SEMA6D: variants seen among roughly 807,000 people sequenced by gnomAD.
The protein encoded by SEMA6D is semaphorin-6D.
SEMA6D carries 35 observed loss-of-function variants against 106.6 expected under a neutral mutation model. The ratio of observed to expected loss-of-function variants is 0.33; its 90% confidence interval spans 0.25 to 0.44. The LOEUF (loss-of-function observed/expected upper bound fraction) is 0.44, where lower values mean the gene tolerates loss of function less well. Among genes scored for constraint, SEMA6D ranks in the 20% least tolerant of loss-of-function variants. The probability of loss-of-function intolerance (pLI) is 1.00; values close to 1 mark genes in which losing one functional copy is unlikely to be tolerated. For missense variants in SEMA6D, 1,185 were observed against 1,345.9 expected (o/e 0.88, Z 1.87); for synonymous variants, 499 against 487.7 (o/e 1.02, Z -0.31).
At chr15:47,498,042 C>T (rs758873010) in intron 3 of SEMA6D, among the ~76,000 whole-genome samples, 4 of 152,104 alleles carry the variant, frequency 2.6e-5, no homozygotes, top group Non-Finnish European at 5.9e-5. Flanking sequence ...AGCATGGTTC[C>T]AATACCACGA....
chr15:47,188,285 T>A (rs1263939240), intron 1 of SEMA6D, among the ~76,000 whole-genome samples: 1 of 152,222 alleles, frequency 6.6e-6, no homozygotes, highest in Non-Finnish European at 1.5e-5. Context: ...ATTTAAATAC[T>A]AAATTTAGTC....
intron 3 of SEMA6D, chr15:47,525,374 G>C (rs561102647): frequency 1.6e-4 from 24 of 152,342 alleles, no homozygotes; most frequent in African/African-American, 5.8e-4. Flanking sequence ...AAAGCTTTCA[G>C]GTCAAGCCAC....
intron 1 of SEMA6D, among the ~76,000 whole-genome samples, chr15:47,322,321 A>G (rs548966923): frequency 1.3e-5 from 2 of 151,654 alleles, no homozygotes; most frequent in Non-Finnish European, 2.9e-5. Flanking sequence ...CAATTCTAGA[A>G]TCTGATCCAG....
chr15:47,502,909 T>C (rs2043901500), intron 3 of SEMA6D, among the ~76,000 whole-genome samples: 1 of 152,228 alleles, frequency 6.6e-6, no homozygotes, highest in Non-Finnish European at 1.5e-5. Context: ...GGGTAAACTG[T>C]GATCTTCCCT....
intron 1 of SEMA6D, among the ~76,000 whole-genome samples, chr15:47,244,858 C>T (rs1309979230): frequency 6.6e-6 from 1 of 152,132 alleles, no homozygotes; most frequent in Non-Finnish European, 1.5e-5. Flanking sequence ...CCGTCATCCC[C>T]CTCGCGGTAG....
intron 3 of SEMA6D, among the ~76,000 whole-genome samples, chr15:47,574,064 G>A (rs1301272279): frequency 1.3e-5 from 2 of 151,980 alleles, no homozygotes; most frequent in African/African-American, 2.4e-5. Flanking sequence ...TAGGATCCAG[G>A]CAAGAACTTC....
At chr15:47,227,917 A>ATTTTATATATATAAGAATCTTATATATT (rs2031867074) in intron 1 of SEMA6D, among the ~76,000 whole-genome samples, 4 of 139,916 alleles carry the variant, frequency 2.9e-5, no homozygotes, top group African/African-American at 1.0e-4. Flanking sequence ...TCTTATATAT[A>ATTTTATATATATAAGAATCTTATATATT]TTTTATATAT....
At chr15:47,393,869 G>A (rs1361470493) in intron 1 of SEMA6D, among the ~76,000 whole-genome samples, 3 of 152,146 alleles carry the variant, frequency 2.0e-5, no homozygotes, top group African/African-American at 7.2e-5. Context: ...TTTATGTAAA[G>A]CTTTGTGCTT....
At chr15:47,409,134 A>C (rs992825333) in intron 1 of SEMA6D, among the ~76,000 whole-genome samples, 2 of 152,216 alleles carry the variant, frequency 1.3e-5, no homozygotes, top group African/African-American at 4.8e-5. Context: ...ACCTCAGAGC[A>C]CTTTTGCAAA....
At chr15:47,292,068 TAA>T (rs1354375555) in intron 1 of SEMA6D, among the ~76,000 whole-genome samples, 1 of 152,250 alleles carries the variant, frequency 6.6e-6, no homozygotes, top group African/African-American at 2.4e-5. Context: ...TTAAAATGAA[TAA>T]GTCATGTTAT....
At chr15:47,264,034 T>C (rs2034199830) in intron 1 of SEMA6D, among the ~76,000 whole-genome samples, 2 of 151,778 alleles carry the variant, frequency 1.3e-5, no homozygotes, top group African/African-American at 4.8e-5. Flanking sequence ...AACAAGGTCA[T>C]GTCCTTTGCA....
chr15:47,400,488 C>CAAAAAAAAAAAA (rs375822492), intron 1 of SEMA6D, among the ~76,000 whole-genome samples: 31 of 119,084 alleles, frequency 2.6e-4, no homozygotes, highest in South Asian at 8.6e-4. Flanking sequence ...GACTCTGTCT[C>CAAAAAAAAAAAA]AAAAAAAAAA....
At chr15:47,257,845 G>C (rs1277899809) in intron 1 of SEMA6D, among the ~76,000 whole-genome samples, 1 of 152,134 alleles carries the variant, frequency 6.6e-6, no homozygotes, top group Non-Finnish European at 1.5e-5. Flanking sequence ...TGCTGAAGAA[G>C]AGTGTTAATG....
intron 1 of SEMA6D, among the ~76,000 whole-genome samples, chr15:47,344,207 T>G (rs146636231): frequency 0.011 from 1,677 of 152,214 alleles, 13 homozygotes; most frequent in Non-Finnish European, 0.014. Flanking sequence ...TACTTAAAAT[T>G]ATTTTAAAAG....
Position 47,198,275 on chromosome 15 carries a change from G to A in SEMA6D, c.-239+13857G>A, listed in dbSNP as rs1001062826. 2.0e-5 allele frequency among the ~76,000 whole-genome samples: 3 copies of A among 152,020 alleles called. No individual in the cohort carries two copies. The South Asian group carries it at 6.2e-4, about 32-fold the overall frequency. On this transcript the variant is annotated intron_variant, in intron 1 of 19. Coordinates refer to the SEMA6D transcript ENST00000558014. ...AGAAATCCATTGTACAAATGGTGAC[G>A]ATAGTTAATATACTGAATTCTTGAA... is the stretch of plus-strand genomic sequence containing the variant.
At chr15:47,613,255 C>A (rs1276536471) in intron 4 of SEMA6D, among the ~76,000 whole-genome samples, 4 of 152,162 alleles carry the variant, frequency 2.6e-5, no homozygotes, top group Admixed American at 2.6e-4. Context: ...TAGGTTTGAG[C>A]CTCATTTATT....
At chr15:47,397,172 G>T (rs1163052369) in intron 1 of SEMA6D, among the ~76,000 whole-genome samples, 1 of 152,172 alleles carries the variant, frequency 6.6e-6, no homozygotes, top group African/African-American at 2.4e-5. Flanking sequence ...ATACAGTTTA[G>T]AAAGCCAAGC....
intron 1 of SEMA6D, among the ~76,000 whole-genome samples, chr15:47,411,086 T>G (rs772549466): frequency 2.2e-4 from 34 of 151,968 alleles, no homozygotes; most frequent in Non-Finnish European, 3.5e-4. Context: ...ATTCCTTAGC[T>G]GAGTTTTTTG....
intron 1 of SEMA6D, among the ~76,000 whole-genome samples, chr15:47,402,452 G>A (rs908909744): frequency 1.3e-5 from 2 of 152,200 alleles, no homozygotes; most frequent in Admixed American, 6.5e-5. Flanking sequence ...TAGGCTTGTA[G>A]TGTCACTCAC....
Sources: gnomAD v4.1 joint callset for allele counts (sites outside exome capture counted in the v4.1 genomes callset) on GRCh38, gnomAD v4.1.1 for gene constraint, MANE v1.5 for transcripts, NCBI Gene and HGNC (gene_info 2026-07-23, HGNC 2026-07-21) for gene names.